PIEZO2: variants seen among roughly 807,000 people sequenced by gnomAD.
PIEZO2 encodes the protein piezo type mechanosensitive ion channel component 2, also known as piezo-type mechanosensitive ion channel component 2.
Under a neutral mutation model 337.3 loss-of-function variants are expected in PIEZO2, and 172 were observed. The observed-to-expected ratio is 0.51, with a 90% CI of 0.45 to 0.58. The LOEUF (loss-of-function observed/expected upper bound fraction) is 0.58, where lower values mean the gene tolerates loss of function less well. PIEZO2 is among the 20% of genes least tolerant of loss of function. The probability of loss-of-function intolerance (pLI) is 0.00; values close to 1 mark genes in which losing one functional copy is unlikely to be tolerated. For synonymous variants in PIEZO2, 1,251 were observed against 1,228.5 expected (o/e 1.02, Z -0.38); for missense variants, 3,028 against 3,391.3 (o/e 0.89, Z 2.66).
intron 3 of PIEZO2, among the ~76,000 whole-genome samples, chr18:10,936,665 TG>T (rs1276252461): frequency 6.6e-6 from 1 of 152,164 alleles, no homozygotes; most frequent in Non-Finnish European, 1.5e-5. Context: ...AGTGCTTGAA[TG>T]TAGGAAGGAA....
chr18:11,101,754 G>A lies in PIEZO2; in HGVS notation c.65-35532C>T, dbSNP rs190359944. ...CTTAGGTTATTGTTTTTTAAAAAATGCTAGATTGATAAATATCCTGAGGAA... is the reference window on the plus strand; with the variant it reads ...CTTAGGTTATTGTTTTTTAAAAAATACTAGATTGATAAATATCCTGAGGAA... On this transcript the variant is annotated intron_variant, in intron 1 of 55. Transcript: ENST00000674853. This position sits in a 1 kb window ranked among gnomAD's most constrained non-coding sequence, Gnocchi z 4.4. 6.2e-4 allele frequency among the ~76,000 whole-genome samples: 95 copies of A among 152,278 alleles called. No individual in the cohort carries two copies. The highest frequency in any genetic ancestry group is 6.8e-3 in the Middle Eastern group (2 of 294).
rs1445297129 is a variant in PIEZO2, at chr18:11,111,955, G to A, written c.64+36570C>T. On this transcript the variant is annotated intron_variant, in intron 1 of 55. Coordinates refer to ENST00000674853, the MANE Select transcript of PIEZO2 (RefSeq NM_001378183.1). The surrounding 1 kb of genome is among the most constrained non-coding windows in gnomAD (Gnocchi z 6.2). ...CGATCTTCTGCAGGCCACTTCATGA[G>A]TCCCCTTGAATCCTCTGAGGTTCTG... 6.6e-6 allele frequency among the ~76,000 whole-genome samples: 1 copy of A among 152,184 alleles called. No homozygotes were observed. The highest frequency in any genetic ancestry group is 1.5e-5 in the Non-Finnish European group (1 of 68,044).
Position 10,894,296 on chromosome 18 carries a change from A to G in PIEZO2, c.329+16890T>C, listed in dbSNP as rs1237097188. The stretch of plus-strand genomic sequence containing the variant: ...GAGAAATCCCCTCTGTACTAAAAAT[A>G]CAAAAAAAACAGCCAGGCGTGGTGG... On this transcript the variant is annotated intron_variant, in intron 4 of 55. Transcript: ENST00000674853. The surrounding 1 kb of genome is among the most constrained non-coding windows in gnomAD (Gnocchi z 4.1). Among the ~76,000 whole-genome samples the G allele has an allele frequency of 6.6e-6, 1 of 151,050 alleles. No individual in the cohort carries two copies. The highest frequency in any genetic ancestry group is 1.5e-5 in the Non-Finnish European group (1 of 68,010).
chr18:11,088,560 T>A (rs75891345), intron 1 of PIEZO2, among the ~76,000 whole-genome samples: 16,112 of 152,278 alleles, frequency 0.11, 1,027 homozygotes, highest in Non-Finnish European at 0.15. Context: ...ATGTGTTAAT[T>A]GTTTTCTTTA....
intron 3 of PIEZO2, among the ~76,000 whole-genome samples, chr18:10,915,461 C>T (rs533198776): frequency 6.6e-6 from 1 of 152,170 alleles, no homozygotes; most frequent in East Asian, 1.9e-4. Context: ...AAGAACAATT[C>T]CTTGAACATC....
At chr18:10,886,865 T>G (rs1324170130) in intron 4 of PIEZO2, among the ~76,000 whole-genome samples, 1 of 151,934 alleles carries the variant, frequency 6.6e-6, no homozygotes, top group African/African-American at 2.4e-5. Flanking sequence ...GATTTAATAA[T>G]TTGTAAAGAA....
In PIEZO2 at chr18:11,104,043, C is replaced by T. The variant is rs554304476; in HGVS notation, c.65-37821G>A. Among the ~76,000 whole-genome samples, 151 of 152,240 alleles carry T rather than the reference C, an allele frequency of 9.9e-4. No individual in the cohort carries two copies. Among genetic ancestry groups the T allele is most frequent in the Non-Finnish European group, 1.7e-3 (117 of 68,010 alleles). ...AAAACACGTGGATCACTGAAAGTTA[C>T]TGGTTTTCATGTCTTCATTTCCAGT... is the stretch of plus-strand genomic sequence containing the variant. On this transcript the variant is annotated intron_variant, in intron 1 of 55. Transcript: ENST00000674853. The surrounding 1 kb of genome is among the most constrained non-coding windows in gnomAD (Gnocchi z 4.6).
rs1234844232 is a variant in PIEZO2, at chr18:10,962,668, T to C, written c.286+16867A>G. 6.6e-6 allele frequency among the ~76,000 whole-genome samples: 1 copy of C among 152,212 alleles called. No homozygotes were observed. Among genetic ancestry groups the C allele is most frequent in the Non-Finnish European group, 1.5e-5 (1 of 68,040 alleles). The stretch of plus-strand genomic sequence containing the variant: ...TACCAAGTACAAATTACTTTCTCCA[T>C]AAGCAAACTTTCAGTAGGCATCCTG... On this transcript the variant is annotated intron_variant, in intron 3 of 55. Coordinates refer to ENST00000674853, the MANE Select transcript of PIEZO2 (RefSeq NM_001378183.1). This position sits in a 1 kb window ranked among gnomAD's most constrained non-coding sequence, Gnocchi z 4.1.
intron 2 of PIEZO2, among the ~76,000 whole-genome samples, chr18:11,054,217 C>T (rs191081978): frequency 1.3e-5 from 2 of 152,242 alleles, no homozygotes; most frequent in East Asian, 3.9e-4. Context: ...AAATAAAATG[C>T]CCATCCTTGT....
At position 10,980,866 on chromosome 18, in the gene PIEZO2, A is replaced by G. The variant is rs1314467647; in HGVS notation, c.161-1206T>C. ...GCACTGCTGTGAGTTTACAGATGTC[A>G]TGAAAGTCCATAATCAAAGTGGTTA... On this transcript the variant is annotated intron_variant, in intron 2 of 55. Transcript: ENST00000674853. The surrounding 1 kb of genome is among the most constrained non-coding windows in gnomAD (Gnocchi z 4.8). Among the ~76,000 whole-genome samples, 2 of 152,212 alleles carry G rather than the reference A, an allele frequency of 1.3e-5. No homozygotes were observed. Among genetic ancestry groups the G allele is most frequent in the Non-Finnish European group, 2.9e-5 (2 of 68,030 alleles).
Position 10,888,315 on chromosome 18 carries a change from TG to T in PIEZO2, c.330-16901del. Among the ~76,000 whole-genome samples, 1 of 152,360 alleles carries T rather than the reference TG, an allele frequency of 6.6e-6. No individual in the cohort carries two copies. Among genetic ancestry groups the T allele is most frequent in the Non-Finnish European group, 1.5e-5 (1 of 68,040 alleles). On this transcript the variant is annotated intron_variant, in intron 4 of 55. Coordinates refer to ENST00000674853, the MANE Select transcript of PIEZO2 (RefSeq NM_001378183.1). The surrounding 1 kb of genome is among the most constrained non-coding windows in gnomAD (Gnocchi z 4.1). ...CTGAGTTGTGAGGGCCCCTCCACGCTGGCTCCTGGGAAATGTCCTTGTCATT... is the reference window on the plus strand; with the variant it reads ...CTGAGTTGTGAGGGCCCCTCCACGCTGCTCCTGGGAAATGTCCTTGTCATT...
At chr18:10,921,751 G>A (rs1317801767) in intron 3 of PIEZO2, among the ~76,000 whole-genome samples, 1 of 152,188 alleles carries the variant, frequency 6.6e-6, no homozygotes, top group African/African-American at 2.4e-5. Context: ...GCAAATGGGA[G>A]AAATATCACT....
chr18:11,049,760 G>A (rs555316392), intron 2 of PIEZO2, among the ~76,000 whole-genome samples: 1 of 152,238 alleles, frequency 6.6e-6, no homozygotes, highest in Admixed American at 6.5e-5. Flanking sequence ...CACCATGTAA[G>A]ACATGCCTTT....
rs113371336 is a variant in PIEZO2 at position 11,035,314 on chromosome 18, CCTCTCTCT to C, written c.160+30805_160+30812del. Among the ~76,000 whole-genome samples the C allele has an allele frequency of 1.3e-5, 2 of 149,674 alleles. No individual in the cohort carries two copies. Among genetic ancestry groups the C allele is most frequent in the African/African-American group, 4.9e-5 (2 of 40,790 alleles). Reference sequence around the variant, plus strand: ...AAGCCTGGCACCTTCTCTCTCTCTCCCTCTCTCTCTCTCTCTCTCTTTCTCTCTCTCTC... The same window carrying C: ...AAGCCTGGCACCTTCTCTCTCTCTCCCTCTCTCTCTCTTTCTCTCTCTCTC... On this transcript the variant is annotated intron_variant, in intron 2 of 55. Coordinates refer to ENST00000674853, the MANE Select transcript of PIEZO2 (RefSeq NM_001378183.1). The surrounding 1 kb of genome is among the most constrained non-coding windows in gnomAD (Gnocchi z 4.3).
chr18:10,886,499 C>CGCATATACACATTATATATATAT (rs2042611325), intron 4 of PIEZO2, among the ~76,000 whole-genome samples: 1 of 69,510 alleles, frequency 1.4e-5, no homozygotes, highest in Non-Finnish European at 2.5e-5. Context: ...TATATATATA[C>CGCATATACACATTATATATATAT]GCATATACAC....
Position 10,784,327 on chromosome 18 carries a change from T to C in PIEZO2, c.2492+457A>G, listed in dbSNP as rs182479212. On this transcript the variant is annotated intron_variant, in intron 17 of 55. Coordinates refer to ENST00000674853, the MANE Select transcript of PIEZO2 (RefSeq NM_001378183.1). This position sits in a 1 kb window ranked among gnomAD's most constrained non-coding sequence, Gnocchi z 4.5. ...AGTTACTAGTCAATTGCAGATTCTG[T>C]TTTTTCAGCCAAAGTTCTTTATTTC... Among the ~76,000 whole-genome samples, 1,513 of 151,486 alleles carry C rather than the reference T, an allele frequency of 1.0e-2. 30 individuals carry two copies. The highest frequency in any genetic ancestry group is 0.035 in the African/African-American group (1,449 of 40,820).
At position 10,954,330 on chromosome 18, in the gene PIEZO2, T is replaced by G. The variant is rs1598741092; in HGVS notation, c.286+25205A>C. Among the ~76,000 whole-genome samples the G allele has an allele frequency of 6.6e-6, 1 of 152,336 alleles. No individual in the cohort carries two copies. The highest frequency in any genetic ancestry group is 1.9e-4 in the East Asian group (1 of 5,186). The stretch of plus-strand genomic sequence containing the variant: ...CATGAACACAATGTATCTCTGCATT[T>G]ATTTAGGGTTTGTTTCATTTATTTC... On this transcript the variant is annotated intron_variant, in intron 3 of 55. Transcript: ENST00000674853. The surrounding 1 kb of genome is among the most constrained non-coding windows in gnomAD (Gnocchi z 4.2).
intron 7 of PIEZO2, among the ~76,000 whole-genome samples, chr18:10,843,592 C>G (rs150086726): frequency 3.5e-4 from 53 of 152,220 alleles, no homozygotes; most frequent in African/African-American, 1.1e-3. Flanking sequence ...GTGAACCATG[C>G]CTAATCTTTA....
intron 1 of PIEZO2, among the ~76,000 whole-genome samples, chr18:11,137,082 T>C (rs1200890015): frequency 3.3e-5 from 5 of 152,226 alleles, no homozygotes; most frequent in African/African-American, 9.6e-5. Context: ...GTTCATGCTA[T>C]TCCCATCACT....
Sources: gnomAD v4.1 joint callset for allele counts (sites outside exome capture counted in the v4.1 genomes callset) on GRCh38, gnomAD v4.1.1 for gene constraint, Gnocchi (gnomAD v3.1) non-coding constraint, MANE v1.5 for transcripts, NCBI Gene and HGNC (gene_info 2026-07-23, HGNC 2026-07-21) for gene names.